The following SNED1 variants were observed in gnomAD, a reference collection of about 807,000 sequenced individuals.
The protein encoded by SNED1 is sushi, nidogen and EGF like domains 1.
SNED1 carries 81 observed loss-of-function variants against 166.7 expected under a neutral mutation model. The observed-to-expected ratio is 0.49, with a 90% CI of 0.41 to 0.58. The LOEUF (loss-of-function observed/expected upper bound fraction) is 0.58. Among genes scored for constraint, SNED1 ranks in the 20% least tolerant of loss-of-function variants. The pLI is 0.00. For synonymous variants in SNED1, 762 were observed against 822.0 expected, an observed-to-expected ratio of 0.93 and a Z score of 1.25; for missense variants, 1,604 against 2,000.2, an observed-to-expected ratio of 0.80 and a Z score of 3.78.
chr2:241,014,916 C>T (rs757841649), intron 1 of SNED1, among the ~76,000 whole-genome samples: 13 of 152,076 alleles, frequency 8.5e-5, no homozygotes, highest in Admixed American at 3.3e-4. Flanking sequence ...GTTGAAAAGC[C>T]GCCTCTCCCC....
chr2:241,070,099 G>T lies in SNED1; in HGVS notation c.3487G>T (p.Asp1163Tyr). 1.9e-6 allele frequency: 3 copies of T among 1,613,010 alleles called. No homozygotes were observed. Among genetic ancestry groups the T allele is most frequent in the Non-Finnish European group, 2.5e-6 (3 of 1,179,876 alleles). Residue 1163 changes from aspartate to tyrosine, a missense_variant, in exon 24 of 32, where the codon GAC becomes TAC. This residue lies in a region of SNED1 where 367 missense variants were observed against 379.4 expected (regional missense o/e 0.97). Transcript: ENST00000310397. ...NGKLASYTVR[D>Y]LLPGRRYQLS... ...GAAGCTGGCGTCCTACACGGTGCGC[G>T]ACCTGCTGCCGGGACGGCGGTACCA...
At chr2:241,050,040 C>T in intron 12 of SNED1, 107 bp downstream of exon 12, 1 of 813,774 alleles carries the variant, frequency 1.2e-6, no homozygotes, top group Non-Finnish European at 2.1e-6. Context: ...GAATTGCTGA[C>T]CTCGTCTAGA....
At chr2:241,055,840 G>A (rs1014955708) in intron 16 of SNED1, among the ~76,000 whole-genome samples, 2 of 152,204 alleles carry the variant, frequency 1.3e-5, no homozygotes, top group Admixed American at 6.5e-5. Context: ...GGAGGGAGAG[G>A]CCTGTCCAAA....
chr2:241,078,560 T>G (rs1014039704), intron 27 of SNED1, among the ~76,000 whole-genome samples: 1 of 151,714 alleles, frequency 6.6e-6, no homozygotes, highest in African/African-American at 2.4e-5. Flanking sequence ...TGTACTATGA[T>G]TCCATTCATA....
At chr2:241,032,375 T>C (rs1383551229) in intron 2 of SNED1, among the ~76,000 whole-genome samples, 1 of 150,970 alleles carries the variant, frequency 6.6e-6, no homozygotes, top group East Asian at 2.0e-4. Flanking sequence ...ATCTACACGT[T>C]CATACTCGGA....
At chr2:241,089,351 T>C in intron 31 of SNED1, 1 of 1,550,718 alleles carries the variant, frequency 6.4e-7, no homozygotes, top group Non-Finnish European at 8.7e-7. Flanking sequence ...AACAGGTCTA[T>C]GTTTTGTTAC....
rs534869737 is a variant in SNED1, at chr2:241,086,505, C to G, written c.4122-887C>G. ...TCTAGGCTGAATTCCAGGCTGACCACAGGACTCATCTCATCTGTTTCTCCT... is the reference window on the plus strand; with the variant it reads ...TCTAGGCTGAATTCCAGGCTGACCAGAGGACTCATCTCATCTGTTTCTCCT... On this transcript the variant is annotated intron_variant, in intron 29 of 31. Coordinates refer to ENST00000310397, the MANE Select transcript of SNED1 (RefSeq NM_001080437.3). 9.9e-4 allele frequency among the ~76,000 whole-genome samples: 151 copies of G among 152,368 alleles called. 1 individual carries two copies. Among genetic ancestry groups the G allele is most frequent in the African/African-American group, 3.2e-3 (134 of 41,588 alleles).
At chr2:241,049,483 G>A (rs953782427) in intron 11 of SNED1, among the ~76,000 whole-genome samples, 1 of 152,238 alleles carries the variant, frequency 6.6e-6, no homozygotes, top group Non-Finnish European at 1.5e-5. Flanking sequence ...GTGTATAGAT[G>A]AGATGGTTAA....
chr2:241,020,712 C>T (rs2060745798), intron 1 of SNED1, among the ~76,000 whole-genome samples: 1 of 152,194 alleles, frequency 6.6e-6, no homozygotes, highest in African/African-American at 2.4e-5. Context: ...AGGCCAGTAG[C>T]CACCCCACCT....
At chr2:241,015,453 T>A (rs2060549688) in intron 1 of SNED1, 1 of 152,410 alleles carries the variant, frequency 6.6e-6, no homozygotes, top group South Asian at 2.1e-4. Flanking sequence ...TTTCTAACTT[T>A]ATATCCAACT....
At chr2:241,030,251 A>G (rs1033791972) in intron 1 of SNED1, 33 bp from the exon 2 acceptor site, 7 of 1,521,996 alleles carry the variant, frequency 4.6e-6, no homozygotes, top group Non-Finnish European at 6.2e-6. Context: ...CACAGCCCCC[A>G]GTCAATCCCC....
intron 16 of SNED1, among the ~76,000 whole-genome samples, chr2:241,058,480 A>C (rs2062131261): frequency 1.3e-5 from 2 of 152,316 alleles, no homozygotes; most frequent in South Asian, 2.1e-4. Flanking sequence ...TACAAAAGAA[A>C]GGACAAGCCA....
chr2:241,052,138 C>T lies in SNED1; in HGVS notation c.1950C>T (p.Ser650=), dbSNP rs752086145. The T allele has an allele frequency of 4.5e-5, 72 of 1,613,640 alleles. No individual in the cohort carries two copies. Among genetic ancestry groups the T allele is most frequent in the Non-Finnish European group, 5.4e-5 (64 of 1,179,730 alleles). Residue 650 remains serine, a synonymous_variant, in exon 14 of 32, where the codon TCC becomes TCT. Transcript: ENST00000310397. ...KYKCDCPPGF[S]GRHCEIAPSP... ...AGTGTGACTGTCCCCCAGGCTTCTC[C>T]GGGCGGCACTGCGAGATAGGTAAGG...
Position 241,053,270 on chromosome 2 carries a change from G to A in SNED1, c.2201G>A (p.Ser734Asn). The change falls in exon 16 of 32, where the codon AGC becomes AAC. Residue 734 changes from serine to asparagine, a missense_variant. Physicochemically the swap from Ser to Asn is conservative, Grantham distance 46 (BLOSUM62 1). Around this residue, in one of 2 missense-constraint regions of SNED1, gnomAD observed 1,237 missense variants for 1,620.8 expected, o/e 0.76. Transcript: ENST00000310397. ...CDRGYSLSAP[S>N]RIRVCQPHGV... ...CGTGGCTACAGCCTGAGCGCCCCCA[G>A]CCGCATCCGGGTCTGCCAGCCACAC... 1 of 1,603,550 alleles carries A rather than the reference G, an allele frequency of 6.2e-7. No homozygotes were observed.
intron 31 of SNED1, chr2:241,090,441 G>A (rs749283140): frequency 3.8e-5 from 58 of 1,541,722 alleles, no homozygotes; most frequent in Non-Finnish European, 5.1e-5. Flanking sequence ...TAAGTAGAAG[G>A]AGTACACTCT....
intron 15 of SNED1, 29 bp downstream of exon 15, chr2:241,052,497 T>G (rs2061877736): frequency 6.8e-7 from 1 of 1,474,042 alleles, no homozygotes; most frequent in African/African-American, 1.6e-5. Context: ...TCAAGCAGGG[T>G]ACATGGGATA....
intron 16 of SNED1, among the ~76,000 whole-genome samples, chr2:241,056,157 C>A (rs2062034145): frequency 6.6e-6 from 1 of 151,882 alleles, no homozygotes; most frequent in African/African-American, 2.4e-5. Flanking sequence ...GAAAAATTTT[C>A]TTTATGTTAA....
At chr2:241,085,403 G>A (rs1356569240) in intron 29 of SNED1, among the ~76,000 whole-genome samples, 1 of 152,078 alleles carries the variant, frequency 6.6e-6, no homozygotes, top group Non-Finnish European at 1.5e-5. Context: ...TATTAATACT[G>A]TGTTTTATCA....
At chr2:241,034,521 G>T in intron 3 of SNED1, 47 bp from the exon 4 acceptor site, 1 of 1,534,938 alleles carries the variant, frequency 6.5e-7, no homozygotes, top group Non-Finnish European at 8.8e-7. Context: ...CACCTCTGTA[G>T]ACCTGGGGAA....
Sources: allele counts gnomAD v4.1 joint callset (sites outside exome capture counted in the v4.1 genomes callset), GRCh38; gene constraint gnomAD v4.1.1; regional missense constraint gnomAD v4.1.1; transcripts MANE v1.5; gene names NCBI Gene and HGNC (gene_info 2026-07-23, HGNC 2026-07-21).